Variants in JPH3 observed in about 807,000 individuals in gnomAD.
JPH3 encodes junctophilin 3, also known as junctophilin-3.
Under a neutral mutation model 59.6 loss-of-function variants are expected in JPH3, and 11 were observed. That is an observed-to-expected ratio of 0.18 (90% CI 0.12 to 0.31). The LOEUF is 0.31. Among genes scored for constraint, JPH3 ranks in the 10% least tolerant of loss-of-function variants. JPH3 has a pLI of 1.00. For missense variants in JPH3, 1,202 were observed against 1,105.7 expected, an observed-to-expected ratio of 1.09 and a Z score of -1.24; for synonymous variants, 673 against 483.6, an observed-to-expected ratio of 1.39 and a Z score of -5.14.
At position 87,644,954 on chromosome 16, in the gene JPH3, G is replaced by A. The variant is rs751937922; in HGVS notation, c.1079G>A (p.Arg360His). ...ATCCCCCTGCGGGCCAGCAAGATCC[G>A]CGAGAAGGTGGACCGCGCCGTTGAG... Reference protein sequence around the residue: ...NLIPLRASKIREKVDRAVEAA... With the variant: ...NLIPLRASKIHEKVDRAVEAA... The change falls in exon 2 of 5, where the codon CGC (arginine) becomes CAC (histidine). Residue 360 changes from arginine to histidine, a missense_variant. By Grantham distance (29) the Arg-to-His change is conservative. Coordinates refer to ENST00000284262, the MANE Select transcript of JPH3 (RefSeq NM_020655.4). 44 of 1,611,502 alleles carry A rather than the reference G, an allele frequency of 2.7e-5. No homozygotes were observed. The highest frequency in any genetic ancestry group is 1.8e-4 in the Admixed American group (11 of 59,992).
intron 1 of JPH3, among the ~76,000 whole-genome samples, chr16:87,630,834 C>T (rs983446651): frequency 5.3e-5 from 8 of 152,192 alleles, no homozygotes; most frequent in Non-Finnish European, 7.3e-5. Context: ...TTTTCAATCC[C>T]TTAGACCCCC....
At chr16:87,642,608 G>C (rs1049718272) in intron 1 of JPH3, among the ~76,000 whole-genome samples, 1 of 152,246 alleles carries the variant, frequency 6.6e-6, no homozygotes, top group Non-Finnish European at 1.5e-5. Flanking sequence ...GACGGACTCT[G>C]TTCTCCCCGC....
chr16:87,659,469 A>T (rs924855337), intron 2 of JPH3, among the ~76,000 whole-genome samples: 2 of 151,706 alleles, frequency 1.3e-5, no homozygotes, highest in Non-Finnish European at 2.9e-5. Context: ...CACGCCTATA[A>T]TCCCAGCACT....
At chr16:87,662,251 C>A (rs1284127643) in intron 2 of JPH3, among the ~76,000 whole-genome samples, 1 of 152,154 alleles carries the variant, frequency 6.6e-6, no homozygotes, top group Admixed American at 6.5e-5. Context: ...AGATAGCAGC[C>A]CCTCTGCCTG....
intron 1 of JPH3, among the ~76,000 whole-genome samples, chr16:87,624,644 T>TG (rs1002848415): frequency 2.0e-5 from 3 of 152,242 alleles, no homozygotes; most frequent in Non-Finnish European, 4.4e-5. Flanking sequence ...TGTTTCCACC[T>TG]GGGGGCTATC....
intron 4 of JPH3, chr16:87,695,124 G>A (rs769787007): frequency 5.5e-6 from 2 of 361,268 alleles, no homozygotes; most frequent in South Asian, 4.1e-5. Flanking sequence ...CAGTCTCTGG[G>A]AGAGGAGCCA....
chr16:87,645,178 A>G (rs150107240), intron 2 of JPH3, 143 bp downstream of exon 2: 3 of 858,838 alleles, frequency 3.5e-6, no homozygotes, highest in Non-Finnish European at 5.2e-6. Flanking sequence ...CTATGCCCCC[A>G]TGGAACCCTA....
intron 1 of JPH3, among the ~76,000 whole-genome samples, chr16:87,634,771 G>C (rs2031678060): frequency 6.6e-6 from 1 of 152,258 alleles, no homozygotes; most frequent in Admixed American, 6.5e-5. Flanking sequence ...GGGTGGGAGA[G>C]GACGGGCTTT....
At chr16:87,633,775 G>C (rs2031641329) in intron 1 of JPH3, among the ~76,000 whole-genome samples, 1 of 152,034 alleles carries the variant, frequency 6.6e-6, no homozygotes, top group African/African-American at 2.4e-5. Flanking sequence ...TCCAGCCTGG[G>C]CGACAGAATG....
rs765259221 is a variant in JPH3, at chr16:87,689,988, G to A, written c.1628G>A (p.Arg543His). Reference sequence around the variant, plus strand: ...CAGGCCGGGGGCTCCAGGGGTGTCCGCAGCGGTGCCCTGCGCGGCGGCCTG... The same window carrying A: ...CAGGCCGGGGGCTCCAGGGGTGTCCACAGCGGTGCCCTGCGCGGCGGCCTG... Reference protein sequence around the residue: ...EEQAGGSRGVRSGALRGGLLV... With the variant: ...EEQAGGSRGVHSGALRGGLLV... Residue 543 changes from arginine (R) to histidine (H), a missense_variant, in exon 4 of 5, where the codon CGC becomes CAC. Arg to His is a conservative substitution (Grantham distance 29). Transcript: ENST00000284262. 1.4e-5 allele frequency: 21 copies of A among 1,481,800 alleles called. No homozygotes were observed. Among genetic ancestry groups the A allele is most frequent in the East Asian group, 4.9e-5 (2 of 40,406 alleles). 91.8% of individuals were successfully genotyped at this position (1,481,800 alleles called of 1,614,324 possible). A position where few individuals can be genotyped will look rare whatever the true frequency, so the allele number is the denominator to read the frequency against.
intron 1 of JPH3, among the ~76,000 whole-genome samples, chr16:87,641,226 G>T (rs911669571): frequency 1.3e-5 from 2 of 152,152 alleles, no homozygotes; most frequent in Non-Finnish European, 2.9e-5. Context: ...ATACATCCCT[G>T]CTTGCCCGGC....
At chr16:87,624,531 C>T (rs2031300143) in intron 1 of JPH3, among the ~76,000 whole-genome samples, 2 of 152,218 alleles carry the variant, frequency 1.3e-5, no homozygotes, top group East Asian at 1.9e-4. Flanking sequence ...CGGGGCACCG[C>T]GTTTTGTGTG....
At chr16:87,616,238 A>ATT (rs558660188) in intron 1 of JPH3, among the ~76,000 whole-genome samples, 544 of 32,396 alleles carry the variant, frequency 0.017, 9 homozygotes, top group African/African-American at 0.035. Context: ...GTGTGTGTGT[A>ATT]TTTTTTTTTT....
At chr16:87,631,530 G>A (rs756360588) in intron 1 of JPH3, among the ~76,000 whole-genome samples, 2 of 152,136 alleles carry the variant, frequency 1.3e-5, no homozygotes, top group Non-Finnish European at 2.9e-5. Context: ...TAGGGTCTTT[G>A]TCATTTGAGT....
intron 1 of JPH3, among the ~76,000 whole-genome samples, chr16:87,620,346 G>T (rs935934370): frequency 6.6e-6 from 1 of 150,442 alleles, no homozygotes; most frequent in African/African-American, 2.5e-5. Flanking sequence ...CTGGTGTCAT[G>T]GGCCAGAGCG....
chr16:87,643,250 C>T (rs2032014542), intron 1 of JPH3, among the ~76,000 whole-genome samples: 1 of 152,228 alleles, frequency 6.6e-6, no homozygotes, highest in Non-Finnish European at 1.5e-5. Flanking sequence ...AATGATGTTC[C>T]ATCGTATGGA....
intron 2 of JPH3, among the ~76,000 whole-genome samples, chr16:87,671,414 C>T (rs1567608456): frequency 6.6e-6 from 1 of 152,214 alleles, no homozygotes; most frequent in African/African-American, 2.4e-5. Flanking sequence ...GCACCAGGCT[C>T]ATGTGCCAGG....
intron 1 of JPH3, among the ~76,000 whole-genome samples, chr16:87,635,201 C>G (rs113769348): frequency 6.6e-6 from 1 of 152,144 alleles, no homozygotes; most frequent in Non-Finnish European, 1.5e-5. Context: ...GTTCACCTTG[C>G]CCCACCCTGG....
Position 87,659,064 on chromosome 16 carries a change from C to G in JPH3, c.1160+14029C>G, listed in dbSNP as rs1258680707. Among the ~76,000 whole-genome samples, 4 of 152,308 alleles carry G rather than the reference C, an allele frequency of 2.6e-5. No individual in the cohort carries two copies. In the East Asian group the frequency reaches 7.7e-4, roughly 29 times the overall value. ...GAAAGCCATGCAGCCTGCCCCATGCCTGGCTTTGTCGCGACGGCTGCTGGA... is the reference window on the plus strand; with the variant it reads ...GAAAGCCATGCAGCCTGCCCCATGCGTGGCTTTGTCGCGACGGCTGCTGGA... On this transcript the variant is annotated intron_variant, in intron 2 of 4. Transcript: ENST00000284262.
Sources: gnomAD v4.1 joint callset for allele counts (sites outside exome capture counted in the v4.1 genomes callset) on GRCh38, gnomAD v4.1.1 for gene constraint, MANE v1.5 for transcripts, NCBI Gene and HGNC (gene_info 2026-07-23, HGNC 2026-07-21) for gene names.